Variants in GNB1 observed in about 807,000 individuals in gnomAD.
GNB1 encodes guanine nucleotide-binding protein G(I)/G(S)/G(T) subunit beta-1.
GNB1 carries 2 observed loss-of-function variants against 42.9 expected under a neutral mutation model. That is an observed-to-expected ratio of 0.05 (90% CI 0.02 to 0.15). The LOEUF (loss-of-function observed/expected upper bound fraction) is 0.15, where lower values mean the gene tolerates loss of function less well. Among genes scored for constraint, GNB1 ranks in the 10% least tolerant of loss-of-function variants. The pLI, the probability that GNB1 is intolerant of heterozygous loss-of-function variation, is 1.00. For synonymous variants in GNB1, 183 were observed against 174.7 expected (o/e 1.05, Z -0.38); for missense variants, 193 against 462.2 (o/e 0.42, Z 5.34).
chr1:1,824,915 T>C (rs1306658514), intron 3 of GNB1: 1 of 153,554 alleles, frequency 6.5e-6, no homozygotes, highest in Non-Finnish European at 1.5e-5. Context: ...TCTAGCAGTC[T>C]ATCAGAAGCT....
At chr1:1,814,646 A>G (rs1014999925) in intron 5 of GNB1, among the ~76,000 whole-genome samples, 3 of 151,902 alleles carry the variant, frequency 2.0e-5, no homozygotes, top group African/African-American at 7.3e-5. Context: ...TAAAAAACCA[A>G]AAAATATTAG....
intron 1 of GNB1, among the ~76,000 whole-genome samples, chr1:1,887,781 A>AT (rs1390598607): frequency 2.6e-5 from 4 of 152,216 alleles, no homozygotes; most frequent in African/African-American, 9.6e-5. Context: ...ACGCCGGCTA[A>AT]TTTTAATATT....
Position 1,789,277 on chromosome 1 carries a change from G to C in GNB1, c.700-8C>G. 3 of 1,531,458 alleles carry C rather than the reference G, an allele frequency of 2.0e-6. No individual in the cohort carries two copies. Among genetic ancestry groups the C allele is most frequent in the Non-Finnish European group, 2.7e-6 (3 of 1,104,692 alleles). The allele number at this position is 1,531,458 out of a possible 1,614,324, so 94.9% of individuals were successfully genotyped here. A position where few individuals can be genotyped will look rare whatever the true frequency, so the allele number is the denominator to read the frequency against. ...ATTGCCATTTGGAAAGAACTGGAAA[G>C]AGAAAGCAAATCAAGACATCATGTA... is the stretch of plus-strand genomic sequence containing the variant. On this transcript the variant is annotated splice_region_variant and splice_polypyrimidine_tract_variant and intron_variant, in intron 9 of 11. Coordinates refer to ENST00000378609, the MANE Select transcript of GNB1 (RefSeq NM_002074.5).
At chr1:1,887,221 G>C (rs1478968032) in intron 1 of GNB1, among the ~76,000 whole-genome samples, 1 of 151,986 alleles carries the variant, frequency 6.6e-6, no homozygotes, top group South Asian at 2.1e-4. Context: ...CAAATCTTTC[G>C]GGCAGAGAAA....
chr1:1,787,313 C>A lies in GNB1; in HGVS notation c.*9+9G>T. On this transcript the variant is annotated intron_variant, in intron 11 of 11. Transcript: ENST00000378609. The surrounding 1 kb of genome is among the most constrained non-coding windows in gnomAD (Gnocchi z 4.4). ...TCCTCAGAGAAGGGCATTTGGGCTG[C>A]TGCATTACCTACTGGCGTTAGTTCC... 2 of 1,407,338 alleles carry A rather than the reference C, an allele frequency of 1.4e-6. No individual in the cohort carries two copies. The highest frequency in any genetic ancestry group is 2.0e-6 in the Non-Finnish European group (2 of 992,864). The allele number at this position is 1,407,338 out of a possible 1,614,324, so 87.2% of individuals were successfully genotyped here. A position where few individuals can be genotyped will look rare whatever the true frequency, so the allele number is the denominator to read the frequency against.
At chr1:1,849,483 T>G (rs1211452416) in intron 1 of GNB1, among the ~76,000 whole-genome samples, 1 of 152,160 alleles carries the variant, frequency 6.6e-6, no homozygotes, top group East Asian at 1.9e-4. Flanking sequence ...CTTGGCTCAC[T>G]GCAGCCTCAA....
In GNB1 at chr1:1,851,005, T is replaced by C. The variant is rs373476873; in HGVS notation, c.-95-11767A>G. Reference sequence around the variant, plus strand: ...TACTGGCCGGCCAGGCGCGGTGGCTTACGCCTGTAATCCCAGCACTTTGGG... The same window carrying C: ...TACTGGCCGGCCAGGCGCGGTGGCTCACGCCTGTAATCCCAGCACTTTGGG... On this transcript the variant is annotated intron_variant, in intron 1 of 11. Coordinates refer to ENST00000378609, the MANE Select transcript of GNB1 (RefSeq NM_002074.5). Among the ~76,000 whole-genome samples the C allele has an allele frequency of 3.9e-5, 6 of 151,918 alleles. No individual in the cohort carries two copies. The South Asian group carries it at 8.3e-4, about 21-fold the overall frequency.
intron 2 of GNB1, among the ~76,000 whole-genome samples, chr1:1,827,305 C>CA (rs751206582): frequency 6.6e-6 from 1 of 152,216 alleles, no homozygotes; most frequent in Non-Finnish European, 1.5e-5. Context: ...GCACGCAGAC[C>CA]AGGCATCCTG....
At chr1:1,888,382 A>AG (rs147558524) in intron 1 of GNB1, among the ~76,000 whole-genome samples, 21,649 of 149,708 alleles carry the variant, frequency 0.14, 1,853 homozygotes, top group Middle Eastern at 0.29. Context: ...AAAAAAAAAA[A>AG]GGCGGGCGGG....
intron 4 of GNB1, among the ~76,000 whole-genome samples, chr1:1,816,911 G>C (rs539504031): frequency 6.6e-6 from 1 of 152,120 alleles, no homozygotes; most frequent in African/African-American, 2.4e-5. Flanking sequence ...GCCTCCCAAA[G>C]TGCTGGGATG....
At chr1:1,794,743 T>C (rs1237149967) in intron 7 of GNB1, among the ~76,000 whole-genome samples, 1 of 152,092 alleles carries the variant, frequency 6.6e-6, no homozygotes, top group African/African-American at 2.4e-5. Context: ...CAGGCTGGAG[T>C]GCAGTGATGT....
At chr1:1,813,195 G>A (rs1361601723) in intron 5 of GNB1, among the ~76,000 whole-genome samples, 1 of 151,106 alleles carries the variant, frequency 6.6e-6, no homozygotes, top group African/African-American at 2.4e-5. Context: ...GTCACCCAGT[G>A]GTGCAATTTC....
chr1:1,857,674 G>C (rs1648381606), intron 1 of GNB1, among the ~76,000 whole-genome samples: 1 of 152,130 alleles, frequency 6.6e-6, no homozygotes, highest in Non-Finnish European at 1.5e-5. Flanking sequence ...ACTTATAGCA[G>C]TACCCCCATA....
At chr1:1,881,447 A>G (rs1649843455) in intron 1 of GNB1, among the ~76,000 whole-genome samples, 1 of 150,352 alleles carries the variant, frequency 6.7e-6, no homozygotes, top group Non-Finnish European at 1.5e-5. Context: ...TGAGTCTCAC[A>G]CTGTCACCCA....
intron 7 of GNB1, among the ~76,000 whole-genome samples, chr1:1,803,710 G>T (rs556090291): frequency 6.6e-6 from 1 of 152,252 alleles, no homozygotes; most frequent in Non-Finnish European, 1.5e-5. Context: ...AAGGCCGGGC[G>T]CAGCGGCTCA....
chr1:1,788,458 TG>T (rs2100467644), intron 10 of GNB1: 1 of 155,178 alleles, frequency 6.4e-6, no homozygotes, highest in Non-Finnish European at 1.4e-5. Context: ...CCCCCCAGGC[TG>T]GGGAGAAAAA....
At chr1:1,865,341 C>T (rs944067279) in intron 1 of GNB1, among the ~76,000 whole-genome samples, 3 of 148,552 alleles carry the variant, frequency 2.0e-5, no homozygotes, top group Non-Finnish European at 4.4e-5. Context: ...AATCCCAGCA[C>T]TCTGAGAGGC....
chr1:1,857,086 TG>T (rs1648345894), intron 1 of GNB1, among the ~76,000 whole-genome samples: 1 of 152,226 alleles, frequency 6.6e-6, no homozygotes, highest in African/African-American at 2.4e-5. Context: ...ATGGGAAATT[TG>T]GTATTAACTA....
chr1:1,801,117 G>A (rs1422670836), intron 7 of GNB1, among the ~76,000 whole-genome samples: 2 of 152,194 alleles, frequency 1.3e-5, no homozygotes, highest in Non-Finnish European at 2.9e-5. Flanking sequence ...TGCAACCTCC[G>A]CTTCAGTTCA....
Sources: gnomAD v4.1 joint callset for allele counts (sites outside exome capture counted in the v4.1 genomes callset) on GRCh38, gnomAD v4.1.1 for gene constraint, Gnocchi (gnomAD v3.1) non-coding constraint, MANE v1.5 for transcripts, NCBI Gene and HGNC (gene_info 2026-07-23, HGNC 2026-07-21) for gene names.